TOLLIP: variants seen among roughly 807,000 people sequenced by gnomAD.
TOLLIP encodes the protein toll interacting protein, also known as toll-interacting protein.
In TOLLIP, 16 loss-of-function variants were observed where a neutral mutation model predicts 33.5. The ratio of observed to expected loss-of-function variants is 0.48; its 90% confidence interval spans 0.32 to 0.72. TOLLIP has a LOEUF of 0.72. TOLLIP is among the 30% of genes least tolerant of loss of function. TOLLIP has a pLI of 0.03. For missense variants in TOLLIP, 325 were observed against 396.6 expected (o/e 0.82, Z 1.53); for synonymous variants, 176 against 163.7 (o/e 1.07, Z -0.57).
chr11:1,284,575 T>A (rs1419056621), intron 5 of TOLLIP, among the ~76,000 whole-genome samples: 1 of 152,140 alleles, frequency 6.6e-6, no homozygotes, highest in Non-Finnish European at 1.5e-5. Context: ...GGTCTTGATC[T>A]CCTGACCTCA....
rs1388891413 is a variant in TOLLIP at position 1,296,571 on chromosome 11, AGGAGTGGGGTGGAGGCCTGGTTGCTGGT to A, written c.34-805_34-778del. On this transcript the variant is annotated intron_variant, in intron 1 of 5. Coordinates refer to ENST00000317204, the MANE Select transcript of TOLLIP (RefSeq NM_019009.4). ...AGTGGGGTGGAGGCCTGGTTGCTGG[AGGAGTGGGGTGGAGGCCTGGTTGCTGGT>A]GGAGTGGGGTGGAGGCCTGGTTGCT... Among the ~76,000 whole-genome samples the A allele has an allele frequency of 7.6e-4, 77 of 101,728 alleles. 1 individual carries two copies. The highest frequency in any genetic ancestry group is 1.8e-3 in the African/African-American group (47 of 26,628). The allele number at this position is 101,728 out of a possible 152,430, so 66.7% of individuals were successfully genotyped here. A position where few individuals can be genotyped will look rare whatever the true frequency, so the allele number is the denominator to read the frequency against.
chr11:1,295,415 G>A (rs776207180), intron 2 of TOLLIP: 204 of 464,820 alleles, frequency 4.4e-4, no homozygotes, highest in Non-Finnish European at 6.7e-4. Context: ...CAGAGCAGAC[G>A]CCCACCTACA....
intron 1 of TOLLIP, among the ~76,000 whole-genome samples, chr11:1,300,342 G>A (rs964168198): frequency 2.0e-5 from 3 of 152,132 alleles, no homozygotes; most frequent in Admixed American, 6.5e-5. Flanking sequence ...CCTCACTGAC[G>A]CCAGAGCTCT....
chr11:1,279,101 C>T (rs1863406052), intron 5 of TOLLIP, among the ~76,000 whole-genome samples: 1 of 152,264 alleles, frequency 6.6e-6, no homozygotes. Flanking sequence ...AGGGGAACTG[C>T]TGCAAAATCG....
intron 5 of TOLLIP, among the ~76,000 whole-genome samples, chr11:1,280,241 C>G (rs915051664): frequency 2.0e-5 from 3 of 152,236 alleles, no homozygotes; most frequent in African/African-American, 7.2e-5. Flanking sequence ...CATGCCTGGG[C>G]CGCTGGGTGA....
intron 5 of TOLLIP, among the ~76,000 whole-genome samples, chr11:1,279,470 T>C (rs1032050174): frequency 2.2e-4 from 34 of 152,334 alleles, no homozygotes; most frequent in African/African-American, 8.2e-4. Context: ...CCAGGAGCTC[T>C]GGGGCCTGGC....
intron 1 of TOLLIP, chr11:1,302,750 T>G: frequency 1.0e-6 from 1 of 985,610 alleles, no homozygotes; most frequent in South Asian, 4.7e-5. Flanking sequence ...AAGTGGCATT[T>G]CATGCAACTG....
Position 1,309,564 on chromosome 11 carries a change from C to A in TOLLIP, c.-66G>T. On this transcript the variant is annotated 5_prime_UTR_variant, in exon 1 of 6. Coordinates refer to ENST00000317204, the MANE Select transcript of TOLLIP (RefSeq NM_019009.4). Reference sequence around the variant, plus strand: ...ACGCGCCGGGCGACCTCCTGCGCCCCCGCCGGAGCCTGCGACGGAGACAGT... The same window carrying A: ...ACGCGCCGGGCGACCTCCTGCGCCCACGCCGGAGCCTGCGACGGAGACAGT... 1 of 949,748 alleles carries A rather than the reference C, an allele frequency of 1.1e-6. No individual in the cohort carries two copies. Among genetic ancestry groups the A allele is most frequent in the South Asian group, 3.1e-5 (1 of 32,340 alleles). 58.8% of individuals were successfully genotyped at this position (949,748 alleles called of 1,614,324 possible).
chr11:1,309,490 G>A lies in TOLLIP; in HGVS notation c.9C>T (p.Thr3=). 1 of 1,339,756 alleles carries A rather than the reference G, an allele frequency of 7.5e-7. No homozygotes were observed. Among genetic ancestry groups the A allele is most frequent in the Non-Finnish European group, 9.6e-7 (1 of 1,038,946 alleles). 83.0% of individuals were successfully genotyped at this position (1,339,756 alleles called of 1,614,324 possible). The change falls in exon 1 of 6, where the codon ACC becomes ACT. Residue 3 remains threonine, a synonymous_variant. Coordinates refer to ENST00000317204, the MANE Select transcript of TOLLIP (RefSeq NM_019009.4). ...CCGGCCCGCGCTGAGTGCTGACGGT[G>A]GTCGCCATGGTGCTGCGGCGGCCCC... MA[T]TVSTQRGPVY...
At chr11:1,285,756 T>C (rs1206701643) in intron 5 of TOLLIP, among the ~76,000 whole-genome samples, 1 of 151,638 alleles carries the variant, frequency 6.6e-6, no homozygotes, top group Non-Finnish European at 1.5e-5. Flanking sequence ...ACTCACCTCA[T>C]TTCTGCCAAC....
At chr11:1,297,116 C>T (rs1012785564) in intron 1 of TOLLIP, among the ~76,000 whole-genome samples, 4 of 152,088 alleles carry the variant, frequency 2.6e-5, no homozygotes, top group African/African-American at 9.7e-5. Flanking sequence ...CAGGAAATAC[C>T]GAGTGGAACC....
At chr11:1,285,281 G>A (rs775397228) in intron 5 of TOLLIP, among the ~76,000 whole-genome samples, 10 of 152,200 alleles carry the variant, frequency 6.6e-5, no homozygotes, top group Non-Finnish European at 1.0e-4. Flanking sequence ...TCCCCAGAAC[G>A]AGAGAGGCCA....
chr11:1,288,550 C>G (rs540939436), intron 4 of TOLLIP, 74 bp downstream of exon 4: 1 of 1,499,948 alleles, frequency 6.7e-7, no homozygotes, highest in African/African-American at 1.4e-5. Context: ...ACAAGGGTGT[C>G]TGTGGGGCGG....
At chr11:1,307,951 G>A (rs1279890061) in intron 1 of TOLLIP, among the ~76,000 whole-genome samples, 1 of 152,176 alleles carries the variant, frequency 6.6e-6, no homozygotes, top group African/African-American at 2.4e-5. Context: ...AGGACTTGTG[G>A]ATACAGTGTT....
chr11:1,292,673 GAC>G (rs1863986578), intron 2 of TOLLIP, among the ~76,000 whole-genome samples: 1 of 152,254 alleles, frequency 6.6e-6, no homozygotes, highest in African/African-American at 2.4e-5. Context: ...ACACCGTGGG[GAC>G]ACACGGGCAC....
At position 1,276,397 on chromosome 11, in the gene TOLLIP, T is replaced by C. The variant is rs1863304148; in HGVS notation, c.*642A>G. 3.8e-6 allele frequency: 1 copy of C among 266,568 alleles called. No homozygotes were observed. Among genetic ancestry groups the C allele is most frequent in the Non-Finnish European group, 7.5e-6 (1 of 133,864 alleles). The allele number at this position is 266,568 out of a possible 1,614,324, so 16.5% of individuals were successfully genotyped here. ...AACCGTGCCAGGCCCCCTTCCTCAC[T>C]CCAGGTGTGGGTTCATTCTGCCTTC... On this transcript the variant is annotated 3_prime_UTR_variant, in exon 6 of 6. Transcript: ENST00000317204.
chr11:1,306,365 G>A (rs935025842), intron 1 of TOLLIP, among the ~76,000 whole-genome samples: 5 of 151,944 alleles, frequency 3.3e-5, no homozygotes, highest in African/African-American at 9.6e-5. Context: ...GCTCCTTCAC[G>A]GCCCATGGGA....
chr11:1,275,479 G>A lies in TOLLIP; in HGVS notation c.*1560C>T, dbSNP rs578112558. 8 of 152,264 alleles carry A rather than the reference G, an allele frequency of 5.3e-5. No homozygotes were observed. The highest frequency in any genetic ancestry group is 1.7e-4 in the African/African-American group (7 of 41,540). 9.4% of individuals were successfully genotyped at this position (152,264 alleles called of 1,614,324 possible). On this transcript the variant is annotated 3_prime_UTR_variant, in exon 6 of 6. Coordinates refer to ENST00000317204, the MANE Select transcript of TOLLIP (RefSeq NM_019009.4). ...ACACAGGCGTAAGACCAGGCCATCTGAGACAGGGAATCCCAGGGGCCCCTC... is the reference window on the plus strand; with the variant it reads ...ACACAGGCGTAAGACCAGGCCATCTAAGACAGGGAATCCCAGGGGCCCCTC...
rs1378976618 is a variant in TOLLIP at position 1,274,961 on chromosome 11, C to T, written c.*2078G>A. 6.6e-6 allele frequency: 1 copy of T among 152,094 alleles called. No individual in the cohort carries two copies. The highest frequency in any genetic ancestry group is 1.5e-5 in the Non-Finnish European group (1 of 68,020). The allele number at this position is 152,094 out of a possible 1,614,324, so 9.4% of individuals were successfully genotyped here. On this transcript the variant is annotated 3_prime_UTR_variant, in exon 6 of 6. Transcript: ENST00000317204. ...TACAGTAAGCCACTTCTACAGTAAG[C>T]CTTCAAACAGGAAATAAAGCATAAA...
Sources: allele counts gnomAD v4.1 joint callset (sites outside exome capture counted in the v4.1 genomes callset), GRCh38; gene constraint gnomAD v4.1.1; transcripts MANE v1.5; gene names NCBI Gene and HGNC (gene_info 2026-07-23, HGNC 2026-07-21).